The following PKP2 variants were observed in gnomAD, a reference collection of about 807,000 sequenced individuals.
PKP2 encodes the protein plakophilin-2.
PKP2 carries 73 observed loss-of-function variants against 83.4 expected under a neutral mutation model. That is an observed-to-expected ratio of 0.88 (90% confidence interval 0.72 to 1.06). The LOEUF is 1.06. Among genes scored for constraint, PKP2 ranks in the 50% least tolerant of loss-of-function variants. PKP2 has a pLI of 0.00. For synonymous variants in PKP2, 409 were observed against 430.4 expected (o/e 0.95, Z 0.62); for missense variants, 966 against 1,065.4 (o/e 0.91, Z 1.30).
chr12:32,852,714 G>T (rs1304453369), intron 4 of PKP2, among the ~76,000 whole-genome samples: 1 of 152,188 alleles, frequency 6.6e-6, no homozygotes, highest in Non-Finnish European at 1.5e-5. Context: ...GACATTTGCA[G>T]AACAAGAGAC....
At chr12:32,822,989 T>C (rs1007080153) in intron 7 of PKP2, among the ~76,000 whole-genome samples, 1 of 152,156 alleles carries the variant, frequency 6.6e-6, no homozygotes, top group Non-Finnish European at 1.5e-5. Flanking sequence ...ATAATCGGCA[T>C]GAAAGATGCA....
At chr12:32,880,712 C>T (rs1247837138) in intron 1 of PKP2, among the ~76,000 whole-genome samples, 3 of 152,142 alleles carry the variant, frequency 2.0e-5, no homozygotes, top group Non-Finnish European at 2.9e-5. Flanking sequence ...TCACATACTC[C>T]TGTCTGAGGA....
rs942876582 is a variant in PKP2 at position 32,878,209 on chromosome 12, C to A, written c.671G>T (p.Gly224Val). 1.6e-5 allele frequency: 26 copies of A among 1,614,184 alleles called. No individual in the cohort carries two copies. Among genetic ancestry groups the A allele is most frequent in the Non-Finnish European group, 2.2e-5 (26 of 1,180,042 alleles). ...FDTYHRQYQH[G>V]SVSDTVFDSI... is the part of the protein sequence containing the mutation. ...GTCAAAAACGGTGTCGCTAACAGAG[C>A]CATGCTGGTACTGTCTGTGGTATGT... is the stretch of plus-strand genomic sequence containing the variant. The change falls in exon 3 of 13, where the codon GGC becomes GTC. Residue 224 changes from glycine (G) to valine (V), a missense_variant. By Grantham distance (109) the Gly-to-Val change is moderately radical. Transcript: ENST00000340811.
At chr12:32,869,237 T>G (rs555800897) in intron 3 of PKP2, among the ~76,000 whole-genome samples, 175 bp from the exon 4 acceptor site, 3 of 151,908 alleles carry the variant, frequency 2.0e-5, no homozygotes, top group Non-Finnish European at 4.4e-5. Context: ...GAGGGACTAC[T>G]GGATAGAAAT....
At chr12:32,819,365 T>C in intron 9 of PKP2, among the ~76,000 whole-genome samples, 1 of 151,790 alleles carries the variant, frequency 6.6e-6, no homozygotes, top group South Asian at 2.1e-4. Flanking sequence ...TTCATATTTG[T>C]CCCATGCTGC....
chr12:32,817,106 T>C (rs913852944), intron 9 of PKP2, among the ~76,000 whole-genome samples: 3 of 152,094 alleles, frequency 2.0e-5, no homozygotes, highest in African/African-American at 4.8e-5. Context: ...GGTCCCAGAA[T>C]AGACAACCCA....
chr12:32,831,110 T>A (rs181357077), intron 6 of PKP2, among the ~76,000 whole-genome samples: 2 of 152,284 alleles, frequency 1.3e-5, no homozygotes, highest in East Asian at 3.9e-4. Flanking sequence ...TTTAAAAATA[T>A]ACCTAAGAGC....
chr12:32,892,846 G>C (rs1957087746), intron 1 of PKP2, among the ~76,000 whole-genome samples: 1 of 125,998 alleles, frequency 7.9e-6, no homozygotes, highest in South Asian at 2.6e-4. Flanking sequence ...TGTGTAGCAA[G>C]TAGTACTTTT....
intron 1 of PKP2, among the ~76,000 whole-genome samples, chr12:32,882,867 CT>C (rs1956998471): frequency 6.6e-6 from 1 of 152,154 alleles, no homozygotes; most frequent in South Asian, 2.1e-4. Flanking sequence ...CTCCTTTCCC[CT>C]GGTCTCTGCT....
chr12:32,797,560 CTT>C (rs751510872), intron 10 of PKP2, among the ~76,000 whole-genome samples: 14 of 132,666 alleles, frequency 1.1e-4, no homozygotes, highest in East Asian at 7.6e-4. Context: ...GAACTAAAAT[CTT>C]TTTTTTTTTT....
intron 11 of PKP2, among the ~76,000 whole-genome samples, chr12:32,793,399 G>A (rs1429410733): frequency 2.6e-5 from 4 of 151,938 alleles, no homozygotes; most frequent in Admixed American, 6.6e-5. Flanking sequence ...GAATAAAAAT[G>A]CATGAAACCA....
At chr12:32,793,346 T>C (rs1956089950) in intron 11 of PKP2, among the ~76,000 whole-genome samples, 1 of 152,132 alleles carries the variant, frequency 6.6e-6, no homozygotes, top group Non-Finnish European at 1.5e-5. Flanking sequence ...GAATTATTTA[T>C]AGAATATAAT....
chr12:32,863,471 TA>T, intron 4 of PKP2: 1 of 191,846 alleles, frequency 5.2e-6, no homozygotes. Flanking sequence ...AGTGGATTCG[TA>T]AAAAACAAAA....
chr12:32,827,988 C>G (rs1956458788), intron 6 of PKP2, among the ~76,000 whole-genome samples: 2 of 152,240 alleles, frequency 1.3e-5, no homozygotes, highest in South Asian at 4.2e-4. Context: ...GGGCCAGGGC[C>G]TTAGGAGAAG....
intron 4 of PKP2, among the ~76,000 whole-genome samples, chr12:32,865,118 T>C (rs757529962): frequency 6.6e-6 from 1 of 152,200 alleles, no homozygotes; most frequent in South Asian, 2.1e-4. Flanking sequence ...CTCACACCTG[T>C]AATCCCAGCA....
chr12:32,832,999 A>C (rs960698060), intron 6 of PKP2, among the ~76,000 whole-genome samples: 1 of 152,186 alleles, frequency 6.6e-6, no homozygotes, highest in African/African-American at 2.4e-5. Flanking sequence ...TAGTCCCAGC[A>C]CTTTGGGAGG....
chr12:32,890,295 T>C (rs376447596), intron 1 of PKP2, among the ~76,000 whole-genome samples: 3 of 152,096 alleles, frequency 2.0e-5, no homozygotes, highest in Non-Finnish European at 2.9e-5. Flanking sequence ...TCCAATAAGC[T>C]TGATGCTCAC....
chr12:32,865,681 C>CAAAAAAAAAAAAAAAAAAAAAAAAAA lies in PKP2; in HGVS notation c.1170+3245_1170+3246insTTTTTTTTTTTTTTTTTTTTTTTTTT, dbSNP rs765071380. Among the ~76,000 whole-genome samples, 41 of 103,614 alleles carry CAAAAAAAAAAAAAAAAAAAAAAAAAA rather than the reference C, an allele frequency of 4.0e-4. 4 individuals are homozygous for CAAAAAAAAAAAAAAAAAAAAAAAAAA. Among genetic ancestry groups the CAAAAAAAAAAAAAAAAAAAAAAAAAA allele is most frequent in the African/African-American group, 2.1e-3 (37 of 17,840 alleles). The allele number at this position is 103,614 out of a possible 152,430, so 68.0% of individuals were successfully genotyped here. On this transcript the variant is annotated intron_variant, in intron 4 of 12. Coordinates refer to ENST00000340811, the MANE Select transcript of PKP2 (RefSeq NM_001005242.3). The stretch of plus-strand genomic sequence containing the variant: ...TGTCTGGAACAGAGTGACTCCGTCT[C>CAAAAAAAAAAAAAAAAAAAAAAAAAA]AAAAAAAAAAAGACAAATAGATCAA...
Position 32,852,658 on chromosome 12 carries a change from C to A in PKP2, c.1171-1685G>T, listed in dbSNP as rs190080075. 1.6e-3 allele frequency among the ~76,000 whole-genome samples: 242 copies of A among 152,200 alleles called. 3 individuals carry two copies. The highest frequency in any genetic ancestry group is 5.7e-3 in the African/African-American group (236 of 41,520). On this transcript the variant is annotated intron_variant, in intron 4 of 12. Coordinates refer to ENST00000340811, the MANE Select transcript of PKP2 (RefSeq NM_001005242.3). The stretch of plus-strand genomic sequence containing the variant: ...TTGATTCCTTTAAGGCTTCACTGGA[C>A]GTAATAAGGAGTAAATACTTCCACT...
Sources: gnomAD v4.1 joint callset for allele counts (sites outside exome capture counted in the v4.1 genomes callset) on GRCh38, gnomAD v4.1.1 for gene constraint, MANE v1.5 for transcripts, NCBI Gene and HGNC (gene_info 2026-07-23, HGNC 2026-07-21) for gene names.